The following ATP8B4 variants were observed in gnomAD, a reference collection of about 807,000 sequenced individuals.
The protein encoded by ATP8B4 is probable phospholipid-transporting ATPase IM.
In ATP8B4, 133 loss-of-function variants were observed where a neutral mutation model predicts 145.6. The observed-to-expected ratio is 0.91, with a 90% confidence interval of 0.79 to 1.05. The LOEUF is 1.05. ATP8B4 is among the 50% of genes least tolerant of loss of function. The pLI, the probability that ATP8B4 is intolerant of heterozygous loss-of-function variation, is 0.00. For missense variants in ATP8B4, 1,458 were observed against 1,425.2 expected (o/e 1.02, Z -0.37); for synonymous variants, 507 against 492.9 (o/e 1.03, Z -0.38).
chr15:49,958,357 G>A (rs374195915), intron 14 of ATP8B4, among the ~76,000 whole-genome samples: 88 of 151,610 alleles, frequency 5.8e-4, no homozygotes, highest in African/African-American at 2.1e-3. Flanking sequence ...AAGCATCCAA[G>A]TATGAAGTAG....
intron 23 of ATP8B4, among the ~76,000 whole-genome samples, chr15:49,893,666 T>C (rs746188422): frequency 8.5e-5 from 13 of 152,156 alleles, no homozygotes; most frequent in African/African-American, 2.2e-4. Flanking sequence ...AGAGTTGTTA[T>C]TGAGTGGATA....
In ATP8B4 at chr15:50,100,035, C is replaced by CAAAA. The variant is rs751319243; in HGVS notation, c.28+6900_28+6903dup. On this transcript the variant is annotated intron_variant, in intron 2 of 27. Coordinates refer to ENST00000284509, the MANE Select transcript of ATP8B4 (RefSeq NM_024837.4). ...GGGCAACAAGAGCAAAACTCCATCT[C>CAAAA]AAAAAAAAAAAAAAAAAAAGAATGC... 8.7e-5 allele frequency among the ~76,000 whole-genome samples: 7 copies of CAAAA among 80,158 alleles called. No individual in the cohort carries two copies. The East Asian group carries it at 9.3e-4, about 11-fold the overall frequency. 52.6% of individuals were successfully genotyped at this position (80,158 alleles called of 152,430 possible).
intron 14 of ATP8B4, among the ~76,000 whole-genome samples, chr15:49,956,125 A>G (rs759803199): frequency 6.6e-5 from 10 of 152,198 alleles, no homozygotes; most frequent in Non-Finnish European, 1.2e-4. Flanking sequence ...TACAATATAT[A>G]CTTTTAAAAG....
At chr15:50,117,638 C>G (rs1488047962) in intron 1 of ATP8B4, among the ~76,000 whole-genome samples, 1 of 152,164 alleles carries the variant, frequency 6.6e-6, no homozygotes, top group African/African-American at 2.4e-5. Context: ...TATGATCCAG[C>G]AATCCCACTT....
At position 50,106,843 on chromosome 15, in the gene ATP8B4, T is replaced by C. The variant is rs565057759; in HGVS notation, c.28+96A>G. The stretch of plus-strand genomic sequence containing the variant: ...GTTCACTGAGCTGAACACCTAGACC[T>C]GTGTGCTTTTTATATATAAATTAAA... On this transcript the variant is annotated intron_variant, in intron 2 of 27. Transcript: ENST00000284509. 2.4e-6 allele frequency: 3 copies of C among 1,241,124 alleles called. No homozygotes were observed. The East Asian group carries it at 7.8e-5, about 32-fold the overall frequency. The allele number at this position is 1,241,124 out of a possible 1,614,324, so 76.9% of individuals were successfully genotyped here.
intron 12 of ATP8B4, among the ~76,000 whole-genome samples, chr15:49,979,400 A>G (rs972422572): frequency 2.6e-5 from 4 of 152,184 alleles, no homozygotes; most frequent in Non-Finnish European, 4.4e-5. Flanking sequence ...AAGAAACCAA[A>G]TCAAATCAAG....
intron 6 of ATP8B4, among the ~76,000 whole-genome samples, chr15:50,026,440 T>C (rs1202592568): frequency 6.6e-6 from 1 of 152,148 alleles, no homozygotes; most frequent in Non-Finnish European, 1.5e-5. Context: ...ACCTGGGTGA[T>C]TCAGATGCAG....
At chr15:50,159,873 T>G (rs1453253735) in intron 1 of ATP8B4, among the ~76,000 whole-genome samples, 2 of 152,186 alleles carry the variant, frequency 1.3e-5, no homozygotes, top group African/African-American at 4.8e-5. Context: ...GAATTTAATT[T>G]GCTAAAATTC....
intron 23 of ATP8B4, among the ~76,000 whole-genome samples, chr15:49,884,616 A>AG (rs1359582059): frequency 1.1e-4 from 16 of 150,604 alleles, no homozygotes; most frequent in Admixed American, 1.1e-3. Context: ...AAAAAAAGAA[A>AG]AAAAAAAAAA....
At chr15:50,157,888 GC>G (rs1172640873) in intron 1 of ATP8B4, among the ~76,000 whole-genome samples, 1 of 152,170 alleles carries the variant, frequency 6.6e-6, no homozygotes, top group African/African-American at 2.4e-5. Context: ...CCCAGTGCCT[GC>G]GATTGCAGGC....
intron 3 of ATP8B4, among the ~76,000 whole-genome samples, chr15:50,051,710 T>C (rs1441857082): frequency 6.6e-6 from 1 of 152,236 alleles, no homozygotes; most frequent in Non-Finnish European, 1.5e-5. Context: ...TTCTGTTTTA[T>C]ATTTTCCTTC....
intron 10 of ATP8B4, among the ~76,000 whole-genome samples, chr15:49,984,322 A>G (rs1242618511): frequency 6.6e-6 from 1 of 152,226 alleles, no homozygotes; most frequent in African/African-American, 2.4e-5. Context: ...ACTGTGTCTC[A>G]TTCAGGATCC....
chr15:50,067,937 T>C (rs2053489941), intron 3 of ATP8B4, among the ~76,000 whole-genome samples: 1 of 152,184 alleles, frequency 6.6e-6, no homozygotes, highest in African/African-American at 2.4e-5. Flanking sequence ...GAATATTAAA[T>C]TCTGAAAATT....
Position 50,146,335 on chromosome 15 carries a change from T to C in ATP8B4, c.-43+35926A>G, listed in dbSNP as rs905281405. 3.3e-5 allele frequency among the ~76,000 whole-genome samples: 5 copies of C among 152,192 alleles called. No homozygotes were observed. In the East Asian group the frequency reaches 5.8e-4, roughly 18 times the overall value. On this transcript the variant is annotated intron_variant, in intron 1 of 3. Coordinates refer to the ATP8B4 transcript ENST00000558829. ...CTACATTTTCAAATATAAAATTTAG[T>C]CACCAGGCTGGGAGGACTGTTAAGT...
chr15:49,985,684 C>T (rs1451687115), intron 10 of ATP8B4, among the ~76,000 whole-genome samples: 1 of 152,172 alleles, frequency 6.6e-6, no homozygotes, highest in Non-Finnish European at 1.5e-5. Context: ...CTCCCTGCTG[C>T]CTGCTGCCAA....
chr15:49,894,268 G>C (rs553797290), intron 23 of ATP8B4, among the ~76,000 whole-genome samples: 93 of 152,294 alleles, frequency 6.1e-4, no homozygotes, highest in Admixed American at 1.2e-3. Flanking sequence ...ACAGAGCAAA[G>C]GCTTAGTGAA....
intron 21 of ATP8B4, among the ~76,000 whole-genome samples, chr15:49,899,059 C>G (rs2037737039): frequency 6.6e-6 from 1 of 152,164 alleles, no homozygotes; most frequent in South Asian, 2.1e-4. Context: ...TTTAGCAAGA[C>G]ATTCACAGCC....
intron 2 of ATP8B4, among the ~76,000 whole-genome samples, chr15:50,087,290 TAG>T (rs1459243640): frequency 7.4e-6 from 1 of 135,472 alleles, no homozygotes; most frequent in African/African-American, 2.7e-5. Flanking sequence ...GAATAATATA[TAG>T]ATCTATATCT....
At chr15:49,925,727 C>T (rs577074395) in intron 16 of ATP8B4, among the ~76,000 whole-genome samples, 1 of 152,152 alleles carries the variant, frequency 6.6e-6, no homozygotes, top group Admixed American at 6.5e-5. Context: ...AGTATTTGTC[C>T]CTTTAAATTT....
Sources: allele counts gnomAD v4.1 joint callset (sites outside exome capture counted in the v4.1 genomes callset), GRCh38; gene constraint gnomAD v4.1.1; transcripts MANE v1.5; gene names NCBI Gene and HGNC (gene_info 2026-07-23, HGNC 2026-07-21).